ZDHHC7: variants seen among roughly 807,000 people sequenced by gnomAD.
The protein encoded by ZDHHC7 is zDHHC palmitoyltransferase 7, also known as palmitoyltransferase ZDHHC7.
Under a neutral mutation model 34.1 loss-of-function variants are expected in ZDHHC7, and 12 were observed. The observed-to-expected ratio is 0.35, with a 90% CI of 0.23 to 0.57. ZDHHC7 has a LOEUF of 0.57. Ranked by LOEUF, ZDHHC7 falls within the 20% of genes least tolerant of loss-of-function variation. The pLI, the probability that ZDHHC7 is intolerant of heterozygous loss-of-function variation, is 0.84. For missense variants in ZDHHC7, 388 were observed against 402.7 expected, an observed-to-expected ratio of 0.96 and a Z score of 0.31; for synonymous variants, 185 against 155.4, an observed-to-expected ratio of 1.19 and a Z score of -1.42.
chr16:85,025,499 C>A, the ZDHHC7 span, among the ~76,000 whole-genome samples: 1 of 152,118 alleles, frequency 6.6e-6, no homozygotes, highest in Non-Finnish European at 1.5e-5. Context: ...ACCTCTGCCT[C>A]CCAGGTTCAA....
chr16:85,009,709 C>CTTTT (rs543110602), intron 1 of ZDHHC7, among the ~76,000 whole-genome samples: 3 of 126,624 alleles, frequency 2.4e-5, no homozygotes, highest in Admixed American at 8.7e-5. Flanking sequence ...GACTTTTTTT[C>CTTTT]TTTTTTTTTT....
intron 3 of ZDHHC7, among the ~76,000 whole-genome samples, chr16:84,989,799 T>A (rs747814181): frequency 6.6e-6 from 1 of 151,446 alleles, no homozygotes; most frequent in Non-Finnish European, 1.5e-5. Flanking sequence ...AATTGACAAA[T>A]TGGGAGTCCC....
At chr16:85,003,200 G>C (rs764367536) in intron 1 of ZDHHC7, among the ~76,000 whole-genome samples, 26 of 152,156 alleles carry the variant, frequency 1.7e-4, no homozygotes, top group Non-Finnish European at 3.7e-4. Context: ...CTGAGGGCCC[G>C]AGGAGCCTGA....
chr16:85,019,873 AGCCAGGAT>A, the ZDHHC7 span, among the ~76,000 whole-genome samples: 4 of 152,298 alleles, frequency 2.6e-5, no homozygotes, highest in South Asian at 8.3e-4. Flanking sequence ...AGAGGTGGAG[AGCCAGGAT>A]GCCGCCCCAA....
upstream of ZDHHC7, among the ~76,000 whole-genome samples, chr16:85,014,432 G>A (rs556826595): frequency 1.1e-4 from 17 of 152,314 alleles, no homozygotes; most frequent in African/African-American, 3.9e-4. Flanking sequence ...ATTCCACAGT[G>A]AAGGTGTGAC....
the ZDHHC7 span, among the ~76,000 whole-genome samples, chr16:85,027,274 T>C: frequency 6.6e-6 from 1 of 152,196 alleles, no homozygotes; most frequent in Admixed American, 6.5e-5. Flanking sequence ...TATTTATTAT[T>C]ATTTTTTTTA....
chr16:85,008,303 G>C (rs1047026084), intron 1 of ZDHHC7, among the ~76,000 whole-genome samples: 2 of 151,876 alleles, frequency 1.3e-5, no homozygotes, highest in African/African-American at 4.9e-5. Context: ...CTGCATAATG[G>C]GGCCTCAATA....
Position 84,974,902 on chromosome 16 carries a change from A to T in ZDHHC7, c.*1441T>A, listed in dbSNP as rs1462837407. The T allele has an allele frequency of 6.5e-6, 1 of 152,684 alleles. No individual in the cohort carries two copies. Among genetic ancestry groups the T allele is most frequent in the Non-Finnish European group, 1.5e-5 (1 of 68,064 alleles). 9.5% of individuals were successfully genotyped at this position (152,684 alleles called of 1,614,324 possible). A position where few individuals can be genotyped will look rare whatever the true frequency, so the allele number is the denominator to read the frequency against. Reference sequence around the variant, plus strand: ...CCCTGATTCGGATGGGGTACAGAGTAATTAAAAACAAAAAACAGTTCACAG... The same window carrying T: ...CCCTGATTCGGATGGGGTACAGAGTTATTAAAAACAAAAAACAGTTCACAG... On this transcript the variant is annotated 3_prime_UTR_variant, in exon 8 of 8. Transcript: ENST00000313732.
At chr16:84,982,063 G>A in intron 3 of ZDHHC7, 69 bp from the exon 4 acceptor site, 2 of 1,592,816 alleles carry the variant, frequency 1.3e-6, no homozygotes, top group African/African-American at 1.3e-5. Context: ...CGGGCGCAGT[G>A]GGTCACACCT....
At chr16:85,015,131 C>A (rs8054262), upstream of ZDHHC7, among the ~76,000 whole-genome samples, 1 of 149,928 alleles carries the variant, frequency 6.7e-6, no homozygotes, top group African/African-American at 2.5e-5. Flanking sequence ...TGGAGTTTCA[C>A]GCTTGTCACC....
Position 84,996,027 on chromosome 16 carries a change from G to A in ZDHHC7, c.-103-20C>T, listed in dbSNP as rs2072571930. 1 of 152,128 alleles carries A rather than the reference G, an allele frequency of 6.6e-6. No individual in the cohort carries two copies. The highest frequency in any genetic ancestry group is 2.1e-4 in the South Asian group (1 of 4,826). The allele number at this position is 152,128 out of a possible 1,614,324, so 9.4% of individuals were successfully genotyped here. On this transcript the variant is annotated intron_variant, in intron 1 of 7. Transcript: ENST00000313732. ...TCGGATCTGAAAGGTAATAAAATCTGATTAGAAAAAGTGATTTATTTTATG... is the reference window on the plus strand; with the variant it reads ...TCGGATCTGAAAGGTAATAAAATCTAATTAGAAAAAGTGATTTATTTTATG...
intron 3 of ZDHHC7, among the ~76,000 whole-genome samples, chr16:84,986,300 T>C (rs1371784387): frequency 1.3e-5 from 2 of 152,124 alleles, no homozygotes; most frequent in Non-Finnish European, 2.9e-5. Flanking sequence ...CTGGTTCAAA[T>C]CCCAGCCTGG....
intron 6 of ZDHHC7, among the ~76,000 whole-genome samples, chr16:84,977,617 A>G (rs992724381): frequency 2.6e-5 from 4 of 152,148 alleles, no homozygotes; most frequent in African/African-American, 7.2e-5. Flanking sequence ...CTGCATATCT[A>G]AGGTAGGATA....
At chr16:85,020,733 G>T in the ZDHHC7 span, among the ~76,000 whole-genome samples, 1 of 152,132 alleles carries the variant, frequency 6.6e-6, no homozygotes, top group Admixed American at 6.6e-5. Flanking sequence ...CTGGGCCCTA[G>T]CAACAGGTGA....
intron 2 of ZDHHC7, among the ~76,000 whole-genome samples, chr16:84,995,218 A>G (rs1319528104): frequency 6.6e-6 from 1 of 152,226 alleles, no homozygotes; most frequent in Non-Finnish European, 1.5e-5. Context: ...GATTTTCTCA[A>G]CACTCCCGAA....
intron 1 of ZDHHC7, among the ~76,000 whole-genome samples, chr16:84,998,362 TCTC>T (rs2072610584): frequency 6.6e-6 from 1 of 151,828 alleles, no homozygotes; most frequent in Admixed American, 6.6e-5. Context: ...CGCAAGCAGA[TCTC>T]CTTGTGGTAG....
intron 2 of ZDHHC7, among the ~76,000 whole-genome samples, chr16:84,991,158 C>G (rs145001547): frequency 1.9e-3 from 286 of 152,366 alleles, no homozygotes; most frequent in Middle Eastern, 0.01. Flanking sequence ...CCTCATTGGT[C>G]TTACCTGATT....
chr16:85,018,500 T>A, the ZDHHC7 span, among the ~76,000 whole-genome samples: 1 of 151,384 alleles, frequency 6.6e-6, no homozygotes, highest in Non-Finnish European at 1.5e-5. Context: ...CAGGCTAGAG[T>A]GCAATGGCAC....
chr16:85,008,058 G>A (rs1344394765), intron 1 of ZDHHC7, among the ~76,000 whole-genome samples: 5 of 152,012 alleles, frequency 3.3e-5, no homozygotes, highest in Non-Finnish European at 7.3e-5. Flanking sequence ...CAAGGCTGTA[G>A]TGAGCCATGA....
Sources: gnomAD v4.1 joint callset for allele counts (sites outside exome capture counted in the v4.1 genomes callset) on GRCh38, gnomAD v4.1.1 for gene constraint, MANE v1.5 for transcripts, NCBI Gene and HGNC (gene_info 2026-07-23, HGNC 2026-07-21) for gene names.